The following ASTN2 variants were observed in gnomAD, a reference collection of about 807,000 sequenced individuals.
ASTN2 encodes the protein astrotactin-2.
In ASTN2, 54 loss-of-function variants were observed where a neutral mutation model predicts 139.8. That is an observed-to-expected ratio of 0.39 (90% CI 0.31 to 0.48). The LOEUF is 0.48. ASTN2 is among the 20% of genes least tolerant of loss of function. The pLI, the probability that ASTN2 is intolerant of heterozygous loss-of-function variation, is 0.95. For missense variants in ASTN2, 1,565 were observed against 1,725.1 expected, an observed-to-expected ratio of 0.91 and a Z score of 1.64; for synonymous variants, 756 against 719.5, an observed-to-expected ratio of 1.05 and a Z score of -0.81.
At position 117,073,201 on chromosome 9, in the gene ASTN2, A is replaced by G. The variant is rs1322993252; in HGVS notation, c.1276+22843T>C. 2.0e-5 allele frequency among the ~76,000 whole-genome samples: 3 copies of G among 152,278 alleles called. 1 individual carries two copies. The highest frequency in any genetic ancestry group is 2.0e-4 in the Admixed American group (3 of 15,302). Reference sequence around the variant, plus strand: ...TAATGCACCCCCCTTGCTGGTATGCATGAGGTCCTGGCCTCTTAATGAGTC... The same window carrying G: ...TAATGCACCCCCCTTGCTGGTATGCGTGAGGTCCTGGCCTCTTAATGAGTC... On this transcript the variant is annotated intron_variant, in intron 5 of 22. Coordinates refer to ENST00000313400, the MANE Select transcript of ASTN2 (RefSeq NM_001365068.1).
intron 19 of ASTN2, among the ~76,000 whole-genome samples, chr9:116,556,440 A>G (rs1221137639): frequency 2.0e-5 from 3 of 152,160 alleles, no homozygotes; most frequent in Admixed American, 6.5e-5. Context: ...AGCCTGGGCA[A>G]CACAGCCAGA....
intron 19 of ASTN2, among the ~76,000 whole-genome samples, chr9:116,509,886 G>A (rs534574369): frequency 5.3e-4 from 80 of 152,116 alleles, no homozygotes; most frequent in Non-Finnish European, 9.7e-4. Context: ...GTTTGAGTTC[G>A]TTGTAGATTC....
intron 5 of ASTN2, among the ~76,000 whole-genome samples, chr9:117,088,556 A>T (rs1006440801): frequency 6.6e-6 from 1 of 152,190 alleles, no homozygotes; most frequent in Non-Finnish European, 1.5e-5. Flanking sequence ...AAAGCCATAC[A>T]TCCACATACC....
At position 117,016,091 on chromosome 9, in the gene ASTN2, C is replaced by T. The variant is rs1013393277; in HGVS notation, c.1424-7832G>A. On this transcript the variant is annotated intron_variant, in intron 6 of 22. Transcript: ENST00000313400. ...ATAGATTAAATATTTTCACTCCCTCCCCAAGATCAATTTTTACTTCTTTGG... is the reference window on the plus strand; with the variant it reads ...ATAGATTAAATATTTTCACTCCCTCTCCAAGATCAATTTTTACTTCTTTGG... Among the ~76,000 whole-genome samples the T allele has an allele frequency of 2.0e-5, 3 of 152,014 alleles. No individual in the cohort carries two copies. In the East Asian group the frequency reaches 5.8e-4, roughly 29 times the overall value.
At chr9:117,365,579 C>G (rs567032505) in intron 1 of ASTN2, among the ~76,000 whole-genome samples, 68 of 152,236 alleles carry the variant, frequency 4.5e-4, no homozygotes, top group African/African-American at 1.3e-3. Flanking sequence ...GGTAAATGCT[C>G]TGGTCCATGA....
rs1160156082 is a variant in ASTN2, at chr9:117,390,857, G to C, written c.442+23640C>G. Among the ~76,000 whole-genome samples the C allele has an allele frequency of 3.9e-5, 6 of 152,276 alleles. No homozygotes were observed. In the East Asian group the frequency reaches 1.2e-3, roughly 29 times the overall value. The stretch of plus-strand genomic sequence containing the variant: ...TCAACTCATTTGGGTATATACCCAG[G>C]AGTGCAATTACTGGATCCCATGGTA... On this transcript the variant is annotated intron_variant, in intron 1 of 22. Coordinates refer to ENST00000313400, the MANE Select transcript of ASTN2 (RefSeq NM_001365068.1).
At chr9:116,854,972 C>CCCA (rs1554754487) in intron 11 of ASTN2, among the ~76,000 whole-genome samples, 1 of 151,814 alleles carries the variant, frequency 6.6e-6, no homozygotes, top group African/African-American at 2.4e-5. Context: ...TTATTCCCCC[C>CCCA]CCACCATTAT....
intron 16 of ASTN2, among the ~76,000 whole-genome samples, chr9:116,674,057 C>T (rs1291531274): frequency 6.6e-6 from 1 of 152,196 alleles, no homozygotes; most frequent in Non-Finnish European, 1.5e-5. Flanking sequence ...AGCAGACCTC[C>T]TTCTTGCCTG....
rs776414471 is a variant in ASTN2 at position 116,559,082 on chromosome 9, C to T, written c.3355+59242G>A. The stretch of plus-strand genomic sequence containing the variant: ...TACCCGACTCTACTTTATGTGCTTC[C>T]TTGCCAGGCAATGACAAAGGAACTT... On this transcript the variant is annotated intron_variant, in intron 19 of 22. Coordinates refer to ENST00000313400, the MANE Select transcript of ASTN2 (RefSeq NM_001365068.1). Among the ~76,000 whole-genome samples the T allele has an allele frequency of 4.6e-5, 7 of 152,244 alleles. No homozygotes were observed. The South Asian group carries it at 1.5e-3, about 32-fold the overall frequency.
chr9:117,153,363 A>G (rs928245439), intron 3 of ASTN2, among the ~76,000 whole-genome samples: 2 of 152,122 alleles, frequency 1.3e-5, no homozygotes, highest in African/African-American at 4.8e-5. Flanking sequence ...GTGAGATGAG[A>G]ACAACACTTC....
chr9:116,871,228 A>G (rs925318962), intron 10 of ASTN2, among the ~76,000 whole-genome samples: 2 of 152,240 alleles, frequency 1.3e-5, no homozygotes, highest in Admixed American at 6.5e-5. Flanking sequence ...ACGGCACTGC[A>G]GCCTGGGCAA....
intron 19 of ASTN2, among the ~76,000 whole-genome samples, chr9:116,597,996 T>C (rs1488031893): frequency 6.6e-6 from 1 of 152,196 alleles, no homozygotes; most frequent in Non-Finnish European, 1.5e-5. Flanking sequence ...AATTGTTCTC[T>C]TACAATCTTG....
chr9:116,502,904 G>A (rs1849938484), intron 19 of ASTN2, among the ~76,000 whole-genome samples: 2 of 136,966 alleles, frequency 1.5e-5, no homozygotes, highest in South Asian at 5.1e-4. Context: ...GGGAAGGAAG[G>A]AGGAAAGGAG....
intron 16 of ASTN2, among the ~76,000 whole-genome samples, chr9:116,652,543 G>C (rs964213667): frequency 2.0e-5 from 3 of 152,018 alleles, no homozygotes; most frequent in Non-Finnish European, 4.4e-5. Context: ...AATATTACAA[G>C]AAAAACACAA....
Position 117,056,095 on chromosome 9 carries a change from C to T in ASTN2, c.1277-16130G>A, listed in dbSNP as rs374065692. Among the ~76,000 whole-genome samples, 10 of 152,194 alleles carry T rather than the reference C, an allele frequency of 6.6e-5. No homozygotes were observed. The East Asian group carries it at 9.6e-4, about 15-fold the overall frequency. On this transcript the variant is annotated intron_variant, in intron 5 of 22. Coordinates refer to ENST00000313400, the MANE Select transcript of ASTN2 (RefSeq NM_001365068.1). ...ATGTAAGTAAGCTGGGAACAGATCC[C>T]TCCCCAGTTGAAGCTTGAGGTGATT...
At chr9:116,492,199 A>C (rs2119105080) in intron 19 of ASTN2, among the ~76,000 whole-genome samples, 1 of 151,670 alleles carries the variant, frequency 6.6e-6, no homozygotes, top group South Asian at 2.1e-4. Flanking sequence ...CTCCTGCCTC[A>C]GCCTCCCGAG....
At chr9:116,946,947 A>AAAAC (rs1412980148) in intron 10 of ASTN2, among the ~76,000 whole-genome samples, 2 of 151,562 alleles carry the variant, frequency 1.3e-5, no homozygotes, top group East Asian at 3.9e-4. Flanking sequence ...AAAAAAAAAA[A>AAAAC]AAAACAACCC....
intron 22 of ASTN2, among the ~76,000 whole-genome samples, chr9:116,432,862 A>C (rs1381855456): frequency 6.6e-6 from 1 of 152,054 alleles, no homozygotes; most frequent in East Asian, 1.9e-4. Context: ...CCTGGGAGGC[A>C]GTGGTTGCAG....
At position 117,368,218 on chromosome 9, in the gene ASTN2, C is replaced by G. The variant is rs547012869; in HGVS notation, c.442+46279G>C. Among the ~76,000 whole-genome samples, 8 of 152,188 alleles carry G rather than the reference C, an allele frequency of 5.3e-5. No homozygotes were observed. In the East Asian group the frequency reaches 5.8e-4, roughly 11 times the overall value. Reference sequence around the variant, plus strand: ...AGCAACAAAAATAGCTTCCAGGGATCTAGAAGTCTTATCAAATAGGGGGGT... The same window carrying G: ...AGCAACAAAAATAGCTTCCAGGGATGTAGAAGTCTTATCAAATAGGGGGGT... On this transcript the variant is annotated intron_variant, in intron 1 of 22. Coordinates refer to ENST00000313400, the MANE Select transcript of ASTN2 (RefSeq NM_001365068.1).
Sources: allele counts gnomAD v4.1 joint callset (sites outside exome capture counted in the v4.1 genomes callset), GRCh38; gene constraint gnomAD v4.1.1; transcripts MANE v1.5; gene names NCBI Gene and HGNC (gene_info 2026-07-23, HGNC 2026-07-21).